The following KCNH8 variants were observed in gnomAD, a reference collection of about 807,000 sequenced individuals.
KCNH8 encodes the protein potassium voltage-gated channel subfamily H member 8.
Under a neutral mutation model 103.6 loss-of-function variants are expected in KCNH8, and 70 were observed. That is an observed-to-expected ratio of 0.68 (90% CI 0.56 to 0.82). KCNH8 has a LOEUF of 0.82. Ranked by LOEUF, KCNH8 falls within the 40% of genes least tolerant of loss-of-function variation. The pLI is 0.00. For missense variants in KCNH8, 1,217 were observed against 1,329.9 expected (o/e 0.92, Z 1.32); for synonymous variants, 498 against 489.4 (o/e 1.02, Z -0.23).
At chr3:19,433,847 T>C (rs547426599) in intron 7 of KCNH8, among the ~76,000 whole-genome samples, 37 of 152,344 alleles carry the variant, frequency 2.4e-4, no homozygotes, top group African/African-American at 8.9e-4. Context: ...CTTTGTGCCA[T>C]TCTAGCCTTA....
At chr3:19,501,545 G>T (rs563528068) in intron 11 of KCNH8, among the ~76,000 whole-genome samples, 1 of 152,094 alleles carries the variant, frequency 6.6e-6, no homozygotes, top group African/African-American at 2.4e-5. Context: ...CTGGCAAACC[G>T]AATCCAGCAG....
chr3:19,367,337 C>T lies in KCNH8; in HGVS notation c.811+19372C>T. On this transcript the variant is annotated intron_variant, in intron 5 of 15. Coordinates refer to ENST00000328405, the MANE Select transcript of KCNH8 (RefSeq NM_144633.3). ...TATCATGCACTATTTAACTTATTTCCTTCCTCCATTCTTTAACCCCGTATT... is the reference window on the plus strand; with the variant it reads ...TATCATGCACTATTTAACTTATTTCTTTCCTCCATTCTTTAACCCCGTATT... Among the ~76,000 whole-genome samples the T allele has an allele frequency of 2.7e-5, 4 of 149,704 alleles. No individual in the cohort carries two copies. The Middle Eastern group carries it at 0.011, about 395-fold the overall frequency.
At chr3:19,226,882 A>T (rs998356534) in intron 1 of KCNH8, among the ~76,000 whole-genome samples, 1 of 152,154 alleles carries the variant, frequency 6.6e-6, no homozygotes, top group Non-Finnish European at 1.5e-5. Context: ...CATTAGATCT[A>T]TGATTTGTAT....
At position 19,347,901 on chromosome 3, in the gene KCNH8, C is replaced by A; in HGVS notation, c.747C>A (p.Asp249Glu). 6.2e-7 allele frequency: 1 copy of A among 1,613,244 alleles called. No homozygotes were observed. The highest frequency in any genetic ancestry group is 8.5e-7 in the Non-Finnish European group (1 of 1,179,424). Residue 249 changes from aspartate (D) to glutamate (E), a missense_variant, in exon 5 of 16, where the codon GAC (aspartate) becomes GAA (glutamate). Asp to Glu is a conservative substitution (Grantham distance 45). This residue lies in a region of KCNH8 where 415 missense variants were observed against 577.4 expected (regional missense o/e 0.72). Transcript: ENST00000328405. ...ACAACGTTTGCTTTATTGGCAATGA[C>A]GACCTGTCCACAACTCGGAGCACAA... Reference protein sequence around the residue: ...VPYNVCFIGNDDLSTTRSTTV... With the variant: ...VPYNVCFIGNEDLSTTRSTTV...
intron 3 of KCNH8, among the ~76,000 whole-genome samples, chr3:19,297,767 T>C (rs1033700926): frequency 6.6e-6 from 1 of 152,114 alleles, no homozygotes; most frequent in African/African-American, 2.4e-5. Flanking sequence ...AGAGAAGTGG[T>C]GAAGTGGTGA....
chr3:19,464,571 G>A (rs1000886397), intron 11 of KCNH8, among the ~76,000 whole-genome samples: 2 of 152,026 alleles, frequency 1.3e-5, no homozygotes, highest in Non-Finnish European at 2.9e-5. Flanking sequence ...AAAGACAGCA[G>A]TAACAGAATA....
intron 3 of KCNH8, among the ~76,000 whole-genome samples, chr3:19,302,803 C>T (rs2065080399): frequency 1.3e-5 from 2 of 152,166 alleles, no homozygotes. Flanking sequence ...TAGAACAGTA[C>T]ATGCTAATGC....
At chr3:19,251,711 T>A (rs187763135) in intron 1 of KCNH8, among the ~76,000 whole-genome samples, 16 of 152,240 alleles carry the variant, frequency 1.1e-4, no homozygotes, top group African/African-American at 3.6e-4. Context: ...GTTTTTTGAA[T>A]AGGCAATATA....
chr3:19,517,833 G>A (rs930092523), intron 14 of KCNH8, among the ~76,000 whole-genome samples, 165 bp from the exon 15 acceptor site: 6 of 151,958 alleles, frequency 3.9e-5, no homozygotes, highest in African/African-American at 1.4e-4. Flanking sequence ...GCCATCCAGA[G>A]GAATACAAAA....
intron 3 of KCNH8, among the ~76,000 whole-genome samples, chr3:19,333,178 C>T (rs2065534698): frequency 6.6e-6 from 1 of 151,990 alleles, no homozygotes; most frequent in African/African-American, 2.4e-5. Flanking sequence ...ATGTCTTTTG[C>T]TTATTTTCTA....
intron 2 of KCNH8, among the ~76,000 whole-genome samples, chr3:19,269,653 C>T (rs893395303): frequency 6.6e-6 from 1 of 151,794 alleles, no homozygotes; most frequent in African/African-American, 2.4e-5. Flanking sequence ...CCACAATCTC[C>T]ATTTCACTTC....
chr3:19,222,109 A>G (rs974558833), intron 1 of KCNH8, among the ~76,000 whole-genome samples: 8 of 152,250 alleles, frequency 5.3e-5, no homozygotes, highest in Non-Finnish European at 1.0e-4. Flanking sequence ...TCGGCCTCCC[A>G]AAGTGCTGGG....
chr3:19,228,008 C>T (rs1009834106), intron 1 of KCNH8, among the ~76,000 whole-genome samples: 8 of 152,250 alleles, frequency 5.3e-5, no homozygotes, highest in Admixed American at 4.6e-4. Flanking sequence ...ATCATTCCTA[C>T]TTAGATTCCA....
chr3:19,269,949 C>T (rs914780407), intron 2 of KCNH8, among the ~76,000 whole-genome samples: 7 of 152,094 alleles, frequency 4.6e-5, no homozygotes, highest in African/African-American at 1.4e-4. Context: ...GTCTAGGCTC[C>T]TTCTCAAGGA....
chr3:19,210,079 A>G (rs1466760406), intron 1 of KCNH8, among the ~76,000 whole-genome samples: 1 of 152,076 alleles, frequency 6.6e-6, no homozygotes, highest in Non-Finnish European at 1.5e-5. Context: ...TGAAGTTTAA[A>G]TTAGGCAGTC....
chr3:19,245,854 G>A (rs978429704), intron 1 of KCNH8, among the ~76,000 whole-genome samples: 4 of 152,070 alleles, frequency 2.6e-5, no homozygotes, highest in African/African-American at 9.7e-5. Flanking sequence ...AGTCTTTAGG[G>A]TTTTCTAGGT....
chr3:19,258,392 TG>T (rs2064373951), intron 2 of KCNH8, among the ~76,000 whole-genome samples: 1 of 152,014 alleles, frequency 6.6e-6, no homozygotes, highest in Non-Finnish European at 1.5e-5. Context: ...TGGAGGTTTT[TG>T]ACTCAGTAAT....
At chr3:19,350,360 A>G (rs1415076947) in intron 5 of KCNH8, among the ~76,000 whole-genome samples, 1 of 152,086 alleles carries the variant, frequency 6.6e-6, no homozygotes, top group Non-Finnish European at 1.5e-5. Flanking sequence ...TCCCTGTCTG[A>G]CAGCTTTGAA....
At chr3:19,325,449 A>G (rs1297433247) in intron 3 of KCNH8, among the ~76,000 whole-genome samples, 1 of 152,214 alleles carries the variant, frequency 6.6e-6, no homozygotes, top group Non-Finnish European at 1.5e-5. Flanking sequence ...CATCTAACAA[A>G]GGTCTAATAT....
Sources: allele counts gnomAD v4.1 joint callset (sites outside exome capture counted in the v4.1 genomes callset), GRCh38; gene constraint gnomAD v4.1.1; regional missense constraint gnomAD v4.1.1; transcripts MANE v1.5; gene names NCBI Gene and HGNC (gene_info 2026-07-23, HGNC 2026-07-21).